PCBP3: variants seen among roughly 807,000 people sequenced by gnomAD.
PCBP3 encodes poly(rC) binding protein 3.
PCBP3 carries 25 observed loss-of-function variants against 52.7 expected under a neutral mutation model. That is an observed-to-expected ratio of 0.47 (90% CI 0.35 to 0.66). PCBP3 has a LOEUF of 0.66. PCBP3 is among the 30% of genes least tolerant of loss of function. The pLI, the probability that PCBP3 is intolerant of heterozygous loss-of-function variation, is 0.01. For synonymous variants in PCBP3, 162 were observed against 183.0 expected (o/e 0.89, Z 0.93); for missense variants, 391 against 490.3 (o/e 0.80, Z 1.91).
intron 4 of PCBP3, among the ~76,000 whole-genome samples, chr21:45,816,661 G>T (rs888304285): frequency 2.0e-5 from 3 of 150,654 alleles, no homozygotes; most frequent in African/African-American, 7.4e-5. Context: ...AGTAACAGGC[G>T]TGGAGCTGTC....
intron 4 of PCBP3, among the ~76,000 whole-genome samples, chr21:45,773,362 A>G (rs1395423624): frequency 6.6e-6 from 1 of 151,962 alleles, no homozygotes; most frequent in African/African-American, 2.4e-5. Context: ...GCATGTGGCT[A>G]TCCAATTTTT....
chr21:45,654,587 C>T (rs1489124013), intron 1 of PCBP3, among the ~76,000 whole-genome samples: 10 of 152,188 alleles, frequency 6.6e-5, no homozygotes, highest in Admixed American at 4.6e-4. Context: ...GATCTGCCCA[C>T]CTTGGCCTCC....
intron 2 of PCBP3, among the ~76,000 whole-genome samples, chr21:45,696,225 C>T (rs965850054): frequency 2.6e-5 from 4 of 151,618 alleles, no homozygotes; most frequent in Admixed American, 1.3e-4. Flanking sequence ...AATATAGTAA[C>T]GCTGCTAGAG....
In PCBP3 at chr21:45,643,810, G is replaced by GCCCGGGCCT. The variant is rs1237826255; in HGVS notation, c.-331_-323dup. On this transcript the variant is annotated 5_prime_UTR_variant, in exon 1 of 18. Coordinates refer to ENST00000681687, the MANE Select transcript of PCBP3 (RefSeq NM_001384156.1). ...TCCTCACCCGCCTCGCCCCGACCCC[G>GCCCGGGCCT]CCCGGGCCTCCCGGCCTCTCCCCGC... The GCCCGGGCCT allele has an allele frequency of 6.8e-6, 1 of 147,702 alleles. No homozygotes were observed. Among genetic ancestry groups the GCCCGGGCCT allele is most frequent in the East Asian group, 2.0e-4 (1 of 5,042 alleles). The allele number at this position is 147,702 out of a possible 1,614,324, so 9.1% of individuals were successfully genotyped here.
chr21:45,888,012 C>T (rs1407441503), intron 5 of PCBP3, among the ~76,000 whole-genome samples: 1 of 152,232 alleles, frequency 6.6e-6, no homozygotes, highest in Non-Finnish European at 1.5e-5. Context: ...GCTGCTGACC[C>T]ATGGGCATTT....
At chr21:45,832,188 C>T (rs2093467578) in intron 4 of PCBP3, among the ~76,000 whole-genome samples, 1 of 152,190 alleles carries the variant, frequency 6.6e-6, no homozygotes, top group African/African-American at 2.4e-5. Context: ...GGGGATTTTA[C>T]ACCATACGGT....
In PCBP3 at chr21:45,755,493, G is replaced by A. The variant is rs564060733; in HGVS notation, c.-126+41G>A. On this transcript the variant is annotated intron_variant, in intron 4 of 17. Coordinates refer to ENST00000681687, the MANE Select transcript of PCBP3 (RefSeq NM_001384156.1). ...ATTTTGTAAGAAACTCCCAAGGAAC[G>A]CATTGTCCCAAGTTGCTGCACCAGT... Among the ~76,000 whole-genome samples the A allele has an allele frequency of 3.3e-5, 5 of 152,318 alleles. No individual in the cohort carries two copies. In the East Asian group the frequency reaches 5.8e-4, roughly 18 times the overall value.
chr21:45,940,605 C>T (rs899682846), intron 17 of PCBP3, among the ~76,000 whole-genome samples: 5 of 151,802 alleles, frequency 3.3e-5, no homozygotes, highest in East Asian at 1.9e-4. Flanking sequence ...CGTGTAGGGA[C>T]GGGCAGGACA....
At chr21:45,794,765 T>C (rs1169529894) in intron 4 of PCBP3, among the ~76,000 whole-genome samples, 1 of 152,054 alleles carries the variant, frequency 6.6e-6, no homozygotes, top group Admixed American at 6.6e-5. Context: ...CCATCTCTAC[T>C]AAAAATACAC....
At chr21:45,730,305 G>A (rs539180075) in intron 2 of PCBP3, among the ~76,000 whole-genome samples, 1 of 151,692 alleles carries the variant, frequency 6.6e-6, no homozygotes, top group South Asian at 2.1e-4. Context: ...GACATGTGCT[G>A]TTTATTTTCC....
intron 3 of PCBP3, chr21:45,751,041 A>G (rs1404113881): frequency 1.3e-5 from 2 of 152,140 alleles, no homozygotes; most frequent in African/African-American, 4.8e-5. Flanking sequence ...TCCTGGAGCC[A>G]CTTCTGCACA....
intron 11 of PCBP3, among the ~76,000 whole-genome samples, chr21:45,913,498 T>C (rs1050687261): frequency 2.6e-5 from 4 of 152,150 alleles, no homozygotes; most frequent in Non-Finnish European, 5.9e-5. Flanking sequence ...TGCAGGGCCC[T>C]GCGCATCCCA....
chr21:45,916,250 GC>G, intron 12 of PCBP3: 1 of 152,418 alleles, frequency 6.6e-6, no homozygotes, highest in East Asian at 1.9e-4. Flanking sequence ...GCGGCTCCCA[GC>G]ATGAGTTCCA....
At chr21:45,820,729 C>A (rs1382511573) in intron 4 of PCBP3, among the ~76,000 whole-genome samples, 1 of 152,164 alleles carries the variant, frequency 6.6e-6, no homozygotes, top group Non-Finnish European at 1.5e-5. Context: ...GGGGGATGAC[C>A]ATGGACCTCT....
intron 1 of PCBP3, among the ~76,000 whole-genome samples, chr21:45,645,604 T>C (rs2079200081): frequency 6.6e-6 from 1 of 152,238 alleles, no homozygotes; most frequent in South Asian, 2.1e-4. Context: ...CTAGCTGTTT[T>C]GAAGAAGCTA....
chr21:45,797,550 CA>C (rs1411620173), intron 4 of PCBP3, among the ~76,000 whole-genome samples: 3 of 148,394 alleles, frequency 2.0e-5, no homozygotes, highest in Admixed American at 6.7e-5. Flanking sequence ...CATGGATGGA[CA>C]GATGCATGGA....
chr21:45,657,993 T>C (rs1296630597), intron 1 of PCBP3, among the ~76,000 whole-genome samples: 1 of 152,220 alleles, frequency 6.6e-6, no homozygotes, highest in Non-Finnish European at 1.5e-5. Context: ...TTCCTTATCT[T>C]AGGGGGAAAG....
chr21:45,933,452 C>T (rs1374492065), intron 15 of PCBP3, among the ~76,000 whole-genome samples: 1 of 152,224 alleles, frequency 6.6e-6, no homozygotes, highest in African/African-American at 2.4e-5. Flanking sequence ...ATCCCAAGTT[C>T]AACAGGTCTG....
At chr21:45,706,058 C>T (rs2083431745) in intron 2 of PCBP3, among the ~76,000 whole-genome samples, 1 of 152,212 alleles carries the variant, frequency 6.6e-6, no homozygotes, top group African/African-American at 2.4e-5. Context: ...GAGTCTTTTC[C>T]ACCTTTACAT....
Sources: allele counts gnomAD v4.1 joint callset (sites outside exome capture counted in the v4.1 genomes callset), GRCh38; gene constraint gnomAD v4.1.1; transcripts MANE v1.5; gene names NCBI Gene and HGNC (gene_info 2026-07-23, HGNC 2026-07-21).